RBM20: variants seen among roughly 807,000 people sequenced by gnomAD.
The protein encoded by RBM20 is RNA binding motif protein 20, also known as RNA-binding protein 20.
A neutral mutation model predicts 110.1 loss-of-function variants in RBM20; 51 were observed. The observed-to-expected ratio is 0.46, with a 90% CI of 0.37 to 0.59. The LOEUF is 0.59. Among genes scored for constraint, RBM20 ranks in the 20% least tolerant of loss-of-function variants. The pLI is 0.00. For missense variants in RBM20, 1,512 were observed against 1,574.9 expected, an observed-to-expected ratio of 0.96 and a Z score of 0.68; for synonymous variants, 589 against 618.2, an observed-to-expected ratio of 0.95 and a Z score of 0.70.
chr10:110,766,320 T>TTTTTGTC (rs1273131506), intron 1 of RBM20, among the ~76,000 whole-genome samples: 1 of 151,672 alleles, frequency 6.6e-6, no homozygotes, highest in Non-Finnish European at 1.5e-5. Flanking sequence ...TTTGTTTTTT[T>TTTTTGTC]TTTTGTTTTT....
At position 110,673,842 on chromosome 10, in the gene RBM20, C is replaced by T. The variant is rs554803599; in HGVS notation, c.191+29197C>T. Among the ~76,000 whole-genome samples the T allele has an allele frequency of 2.6e-5, 4 of 152,228 alleles. No individual in the cohort carries two copies. In the South Asian group the frequency reaches 8.3e-4, roughly 32 times the overall value. On this transcript the variant is annotated intron_variant, in intron 1 of 13. Transcript: ENST00000369519. The stretch of plus-strand genomic sequence containing the variant: ...GTGTTGGATTGCTAAGTTCAGAGAG[C>T]CATCAGAAATTGTTATGAGCTTGAG...
intron 1 of RBM20, among the ~76,000 whole-genome samples, chr10:110,694,824 C>T (rs1028753438): frequency 8.5e-5 from 13 of 152,086 alleles, no homozygotes; most frequent in African/African-American, 3.1e-4. Context: ...CGTTTAACTC[C>T]AGAGTTGTAA....
chr10:110,731,230 C>T (rs2134951918), intron 1 of RBM20, among the ~76,000 whole-genome samples: 1 of 152,256 alleles, frequency 6.6e-6, no homozygotes, highest in Middle Eastern at 3.4e-3. Context: ...TTCTTATTTC[C>T]TCTCACCTCC....
chr10:110,666,827 C>T (rs1862185183), intron 1 of RBM20, among the ~76,000 whole-genome samples: 1 of 152,078 alleles, frequency 6.6e-6, no homozygotes, highest in South Asian at 2.1e-4. Context: ...TTACAAGCAG[C>T]TGTAATATAA....
intron 1 of RBM20, among the ~76,000 whole-genome samples, chr10:110,693,256 CAG>C (rs1427493846): frequency 4.6e-5 from 7 of 151,996 alleles, no homozygotes; most frequent in Non-Finnish European, 8.8e-5. Context: ...GCTTTGGTAT[CAG>C]GATTATATTA....
intron 7 of RBM20, among the ~76,000 whole-genome samples, chr10:110,809,032 T>A (rs1316142814): frequency 6.6e-6 from 1 of 151,836 alleles, no homozygotes; most frequent in Non-Finnish European, 1.5e-5. Flanking sequence ...CCTGGCAACA[T>A]AGCGAGACCT....
At chr10:110,675,836 T>C (rs1862330883) in intron 1 of RBM20, among the ~76,000 whole-genome samples, 2 of 152,228 alleles carry the variant, frequency 1.3e-5, no homozygotes, top group African/African-American at 4.8e-5. Flanking sequence ...CCTCAGGTTG[T>C]TGGGAGCATT....
rs117937222 is a variant in RBM20 at position 110,730,397 on chromosome 10, T to C, written c.192-50404T>C. 1.6e-3 allele frequency among the ~76,000 whole-genome samples: 239 copies of C among 152,306 alleles called. 1 individual carries two copies. The highest frequency in any genetic ancestry group is 4.2e-3 in the South Asian group (20 of 4,814). On this transcript the variant is annotated intron_variant, in intron 1 of 13. Coordinates refer to ENST00000369519, the MANE Select transcript of RBM20 (RefSeq NM_001134363.3). ...GGCTTGGAGATCCCCCGACCTCCTT[T>C]CTTGGGTGTCCAGCTCCAGAATGCC...
chr10:110,782,959 G>T (rs1436131023), intron 2 of RBM20, among the ~76,000 whole-genome samples: 2 of 151,686 alleles, frequency 1.3e-5, no homozygotes, highest in East Asian at 1.9e-4. Context: ...CTTTTCTAAG[G>T]CTTTGTAAGT....
chr10:110,736,293 C>T (rs962719142), intron 1 of RBM20, among the ~76,000 whole-genome samples: 5 of 152,244 alleles, frequency 3.3e-5, no homozygotes, highest in Non-Finnish European at 5.9e-5. Context: ...GCCATTTGCA[C>T]ACAATATACC....
chr10:110,720,405 A>G (rs557349330), intron 1 of RBM20, among the ~76,000 whole-genome samples: 2 of 152,280 alleles, frequency 1.3e-5, no homozygotes, highest in South Asian at 4.2e-4. Flanking sequence ...ACATTCTTCT[A>G]TCTACTTTCT....
intron 1 of RBM20, 70 bp from the exon 2 acceptor site, chr10:110,780,731 T>C (rs1490009425): frequency 6.9e-7 from 1 of 1,444,522 alleles, no homozygotes; most frequent in East Asian, 2.5e-5. Flanking sequence ...GGACCACAGA[T>C]AACAAAGAAC....
In RBM20 at chr10:110,644,684, TG is replaced by T; in HGVS notation, c.191+43del. 7.2e-7 allele frequency: 1 copy of T among 1,382,490 alleles called. No homozygotes were observed. The allele number at this position is 1,382,490 out of a possible 1,614,324, so 85.6% of individuals were successfully genotyped here. ...AGGGAACAGGGACCACGGGTGCGCC[TG>T]GGGACACGCCCCGAGAGCCCCCTTT... On this transcript the variant is annotated intron_variant, in intron 1 of 13. Coordinates refer to ENST00000369519, the MANE Select transcript of RBM20 (RefSeq NM_001134363.3). This position sits in a 1 kb window ranked among gnomAD's most constrained non-coding sequence, Gnocchi z 4.3.
intron 1 of RBM20, among the ~76,000 whole-genome samples, chr10:110,725,035 G>C (rs1843546530): frequency 6.6e-6 from 1 of 152,182 alleles, no homozygotes; most frequent in Admixed American, 6.5e-5. Flanking sequence ...CTGTCACTGA[G>C]CTCTATTAAG....
At chr10:110,740,467 GC>G (rs1309376238) in intron 1 of RBM20, among the ~76,000 whole-genome samples, 1 of 152,122 alleles carries the variant, frequency 6.6e-6, no homozygotes, top group Non-Finnish European at 1.5e-5. Context: ...CTTGCCCAAG[GC>G]CCTGCTGCAG....
rs11430112 is a variant in RBM20, at chr10:110,818,291, CA to C, written c.2551-1765del. Among the ~76,000 whole-genome samples the C allele has an allele frequency of 1.8e-3, 99 of 56,252 alleles. 1 individual carries two copies. Among genetic ancestry groups the C allele is most frequent in the African/African-American group, 2.7e-3 (61 of 22,838 alleles). 36.9% of individuals were successfully genotyped at this position (56,252 alleles called of 152,430 possible). A position where few individuals can be genotyped will look rare whatever the true frequency, so the allele number is the denominator to read the frequency against. On this transcript the variant is annotated intron_variant, in intron 9 of 13. Transcript: ENST00000369519. ...GGGCAACAAGAGCAAAACTCCATCT[CA>C]AAAAAAAAAAAAAAACCAAAACGAC... is the stretch of plus-strand genomic sequence containing the variant.
At chr10:110,809,347 T>TA (rs934224689) in intron 7 of RBM20, among the ~76,000 whole-genome samples, 11 of 152,192 alleles carry the variant, frequency 7.2e-5, no homozygotes, top group African/African-American at 1.9e-4. Flanking sequence ...TCTTGGTCTT[T>TA]AAAAAAATCA....
intron 1 of RBM20, among the ~76,000 whole-genome samples, chr10:110,728,868 G>A (rs1321397890): frequency 6.6e-6 from 1 of 152,156 alleles, no homozygotes; most frequent in Non-Finnish European, 1.5e-5. Context: ...GACCCGCTGA[G>A]CGATGCTGCT....
chr10:110,760,425 C>CTTTTTT (rs541027608), intron 1 of RBM20, among the ~76,000 whole-genome samples: 1,806 of 57,892 alleles, frequency 0.031, 233 homozygotes, highest in Middle Eastern at 0.08. Context: ...ATTCCATCAT[C>CTTTTTT]TTTTTTTTTT....
Sources: gnomAD v4.1 joint callset for allele counts (sites outside exome capture counted in the v4.1 genomes callset) on GRCh38, gnomAD v4.1.1 for gene constraint, Gnocchi (gnomAD v3.1) non-coding constraint, MANE v1.5 for transcripts, NCBI Gene and HGNC (gene_info 2026-07-23, HGNC 2026-07-21) for gene names.